Variants in HSD17B4 observed in about 807,000 individuals in gnomAD.
HSD17B4 encodes peroxisomal multifunctional enzyme type 2.
In HSD17B4, 70 loss-of-function variants were observed where a neutral mutation model predicts 101.0. That is an observed-to-expected ratio of 0.69 (90% confidence interval 0.57 to 0.85). The LOEUF is 0.85. Ranked by LOEUF, HSD17B4 falls within the 40% of genes least tolerant of loss-of-function variation. HSD17B4 has a pLI of 0.00. For missense variants in HSD17B4, 984 were observed against 892.4 expected (o/e 1.10, Z -1.31); for synonymous variants, 347 against 297.1 (o/e 1.17, Z -1.73).
At chr5:119,507,181 C>G (rs1345444104) in intron 15 of HSD17B4, among the ~76,000 whole-genome samples, 1 of 152,146 alleles carries the variant, frequency 6.6e-6, no homozygotes, top group Non-Finnish European at 1.5e-5. Flanking sequence ...GAGAATTAAG[C>G]TTGCTGGAGT....
chr5:119,501,914 G>T, intron 13 of HSD17B4, 127 bp from the exon 14 acceptor site: 1 of 684,508 alleles, frequency 1.5e-6, no homozygotes. Flanking sequence ...GCCAAACAGA[G>T]ATAGATAACT....
intron 12 of HSD17B4, among the ~76,000 whole-genome samples, chr5:119,498,860 A>T (rs915557971): frequency 6.6e-5 from 10 of 152,224 alleles, no homozygotes; most frequent in African/African-American, 2.4e-4. Flanking sequence ...AGCTTGGGCG[A>T]GAGAGCGAGA....
intron 2 of HSD17B4, among the ~76,000 whole-genome samples, chr5:119,469,633 G>A (rs1756157974): frequency 6.6e-6 from 1 of 152,194 alleles, no homozygotes; most frequent in Admixed American, 6.5e-5. Flanking sequence ...GGGATTGCAG[G>A]CGTGAGCCAC....
intron 17 of HSD17B4, among the ~76,000 whole-genome samples, chr5:119,523,572 C>T (rs893720055): frequency 3.3e-5 from 5 of 151,946 alleles, no homozygotes; most frequent in South Asian, 2.1e-4. Flanking sequence ...ACTCTGTTAT[C>T]TATAGAAAGC....
intron 12 of HSD17B4, among the ~76,000 whole-genome samples, chr5:119,498,419 G>A (rs1750846009): frequency 6.6e-6 from 1 of 152,004 alleles, no homozygotes; most frequent in Admixed American, 6.6e-5. Flanking sequence ...GTCCTTGTTT[G>A]CCAACTTCTA....
intron 20 of HSD17B4, among the ~76,000 whole-genome samples, chr5:119,528,903 C>CA (rs1362973464): frequency 1.3e-5 from 2 of 152,060 alleles, no homozygotes; most frequent in African/African-American, 4.8e-5. Flanking sequence ...CTCCTTTTCT[C>CA]ACTTTCTCCC....
intron 8 of HSD17B4, among the ~76,000 whole-genome samples, chr5:119,488,635 A>C (rs904895664): frequency 6.6e-6 from 1 of 152,170 alleles, no homozygotes; most frequent in South Asian, 2.1e-4. Context: ...AATTTTTAAA[A>C]AGTTCAAAAG....
chr5:119,526,510 T>A (rs1233403855), intron 19 of HSD17B4, among the ~76,000 whole-genome samples: 1 of 151,944 alleles, frequency 6.6e-6, no homozygotes, highest in Non-Finnish European at 1.5e-5. Context: ...CATGCCCATA[T>A]TATTTTTGTG....
At chr5:119,506,351 C>CT (rs1388677611) in intron 14 of HSD17B4, among the ~76,000 whole-genome samples, 1 of 152,126 alleles carries the variant, frequency 6.6e-6, no homozygotes. Context: ...TGAACTCATC[C>CT]TTTTTTATGG....
chr5:119,536,563 A>G lies in HSD17B4; in HGVS notation c.2121+13A>G, dbSNP rs1184038732. 1 of 1,610,660 alleles carries G rather than the reference A, an allele frequency of 6.2e-7. No homozygotes were observed. The highest frequency in any genetic ancestry group is 8.5e-7 in the Non-Finnish European group (1 of 1,177,274). Reference sequence around the variant, plus strand: ...TGACCCTCAGAAGGTAATGTTCTCAAATGTTCATTTATTCATTGTTTTATT... The same window carrying G: ...TGACCCTCAGAAGGTAATGTTCTCAGATGTTCATTTATTCATTGTTTTATT... On this transcript the variant is annotated intron_variant, in intron 23 of 23. Coordinates refer to ENST00000510025, the MANE Select transcript of HSD17B4 (RefSeq NM_000414.4).
chr5:119,525,857 C>T (rs948928969), intron 18 of HSD17B4, 60 bp from the exon 19 acceptor site: 53 of 951,688 alleles, frequency 5.6e-5, no homozygotes, highest in Non-Finnish European at 8.7e-5. Context: ...GAATTAACTA[C>T]ACTTGATTTT....
chr5:119,452,843 C>T (rs763329782), intron 1 of HSD17B4: 89 of 1,535,602 alleles, frequency 5.8e-5, no homozygotes, highest in Non-Finnish European at 7.6e-5. Flanking sequence ...TTCTCCCCAG[C>T]ACCCCGGTGT....
chr5:119,521,715 G>C (rs957369293), intron 17 of HSD17B4, among the ~76,000 whole-genome samples: 7 of 151,134 alleles, frequency 4.6e-5, no homozygotes, highest in Admixed American at 4.6e-4. Flanking sequence ...TTTCTTTCTT[G>C]AATTTAATCA....
chr5:119,479,791 G>A (rs1009899155), intron 8 of HSD17B4, among the ~76,000 whole-genome samples: 1 of 152,134 alleles, frequency 6.6e-6, no homozygotes, highest in African/African-American at 2.4e-5. Context: ...TAATAAAGCT[G>A]CCATAAGCAT....
At chr5:119,485,465 A>T (rs1749534279) in intron 8 of HSD17B4, among the ~76,000 whole-genome samples, 1 of 152,166 alleles carries the variant, frequency 6.6e-6, no homozygotes. Context: ...TAAGAAAGTT[A>T]TAGATCATTT....
chr5:119,493,690 C>A, intron 10 of HSD17B4, 128 bp from the exon 11 acceptor site: 1 of 830,924 alleles, frequency 1.2e-6, no homozygotes, highest in Non-Finnish European at 2.0e-6. Context: ...TATGGTAAAA[C>A]TCTTTAGGAG....
At chr5:119,489,705 T>G (rs1490713473) in intron 9 of HSD17B4, among the ~76,000 whole-genome samples, 1 of 152,204 alleles carries the variant, frequency 6.6e-6, no homozygotes, top group Non-Finnish European at 1.5e-5. Flanking sequence ...TTTTAAACCC[T>G]TGGCATAAGG....
chr5:119,486,447 A>C (rs767027814), intron 8 of HSD17B4, among the ~76,000 whole-genome samples: 1 of 152,072 alleles, frequency 6.6e-6, no homozygotes, highest in Non-Finnish European at 1.5e-5. Flanking sequence ...GTAATCACTT[A>C]AAGAGAATAT....
intron 19 of HSD17B4, 96 bp from the exon 20 acceptor site, chr5:119,527,037 C>G: frequency 1.5e-6 from 1 of 680,416 alleles, no homozygotes; most frequent in Middle Eastern, 2.5e-4. Flanking sequence ...TTTTTTTTTT[C>G]TTTTGTGCTC....
Sources: gnomAD v4.1 joint callset for allele counts (sites outside exome capture counted in the v4.1 genomes callset) on GRCh38, gnomAD v4.1.1 for gene constraint, MANE v1.5 for transcripts, NCBI Gene and HGNC (gene_info 2026-07-23, HGNC 2026-07-21) for gene names.